Variants in ZFAT observed in about 807,000 individuals in gnomAD.
ZFAT encodes zinc finger protein ZFAT.
ZFAT carries 64 observed loss-of-function variants against 117.7 expected under a neutral mutation model. The observed-to-expected ratio is 0.54, with a 90% CI of 0.44 to 0.67. The LOEUF is 0.67. Among genes scored for constraint, ZFAT ranks in the 30% least tolerant of loss-of-function variants. The pLI is 0.00. For synonymous variants in ZFAT, 679 were observed against 615.0 expected, an observed-to-expected ratio of 1.10 and a Z score of -1.54; for missense variants, 1,433 against 1,584.5, an observed-to-expected ratio of 0.90 and a Z score of 1.62.
intron 2 of ZFAT, among the ~76,000 whole-genome samples, chr8:134,645,202 A>G (rs958564563): frequency 1.3e-5 from 2 of 152,232 alleles, no homozygotes; most frequent in African/African-American, 4.8e-5. Context: ...GAGAGACCAA[A>G]ATAATAAATC....
chr8:134,744,321 A>C, the ZFAT span, among the ~76,000 whole-genome samples: 3 of 125,910 alleles, frequency 2.4e-5, no homozygotes, highest in African/African-American at 9.4e-5. Context: ...TTTGAGATGG[A>C]GTCTTGCTCT....
chr8:134,613,707 G>T (rs1315222244), intron 3 of ZFAT, among the ~76,000 whole-genome samples: 1 of 152,168 alleles, frequency 6.6e-6, no homozygotes, highest in African/African-American at 2.4e-5. Context: ...CCCAAGCCTG[G>T]CCAATGGGCT....
At chr8:134,806,593 A>G in the ZFAT span, among the ~76,000 whole-genome samples, 1 of 152,132 alleles carries the variant, frequency 6.6e-6, no homozygotes, top group African/African-American at 2.4e-5. Flanking sequence ...CAAGTCTCCA[A>G]ATCTCCCCTT....
At chr8:134,572,978 G>T (rs1160365488) in intron 10 of ZFAT, among the ~76,000 whole-genome samples, 1 of 152,196 alleles carries the variant, frequency 6.6e-6, no homozygotes, top group Non-Finnish European at 1.5e-5. Flanking sequence ...TGAAAAGGAA[G>T]AAGCCAGACA....
At chr8:134,665,672 TGA>T (rs1279896487) in intron 1 of ZFAT, among the ~76,000 whole-genome samples, 5 of 151,918 alleles carry the variant, frequency 3.3e-5, no homozygotes, top group Non-Finnish European at 7.4e-5. Flanking sequence ...GCATTCCCTC[TGA>T]GAGTCAGCAT....
chr8:134,632,964 G>A (rs1051355499), intron 3 of ZFAT, among the ~76,000 whole-genome samples: 1 of 152,216 alleles, frequency 6.6e-6, no homozygotes, highest in African/African-American at 2.4e-5. Flanking sequence ...GACAGAGGCT[G>A]ACACAACCCA....
chr8:134,518,760 G>A (rs1820423966), intron 13 of ZFAT, among the ~76,000 whole-genome samples: 1 of 151,682 alleles, frequency 6.6e-6, no homozygotes, highest in East Asian at 1.9e-4. Context: ...TCTAGTATTT[G>A]TAAAATATTA....
chr8:134,723,338 A>G, the ZFAT span: 5 of 152,346 alleles, frequency 3.3e-5, no homozygotes, highest in African/African-American at 1.2e-4. Flanking sequence ...GGCATCCTCA[A>G]GCTGGGCAAT....
chr8:134,787,371 TCTA>T, the ZFAT span, among the ~76,000 whole-genome samples: 3 of 152,166 alleles, frequency 2.0e-5, no homozygotes, highest in African/African-American at 7.2e-5. Context: ...AAGGAAGGGG[TCTA>T]CTTTTTTCCC....
At chr8:134,683,640 A>G (rs1833174979) in intron 1 of ZFAT, among the ~76,000 whole-genome samples, 1 of 152,142 alleles carries the variant, frequency 6.6e-6, no homozygotes, top group African/African-American at 2.4e-5. Flanking sequence ...GAAAGAGGAC[A>G]GGTTAAAGGC....
At chr8:134,788,525 A>T in the ZFAT span, among the ~76,000 whole-genome samples, 1 of 152,124 alleles carries the variant, frequency 6.6e-6, no homozygotes, top group Admixed American at 6.6e-5. Context: ...TATGACTCAA[A>T]ATAGGGTAAA....
At chr8:134,602,985 T>G in intron 5 of ZFAT, 52 bp from the exon 6 acceptor site, 2 of 1,555,418 alleles carry the variant, frequency 1.3e-6, no homozygotes, top group Non-Finnish European at 1.7e-6. Context: ...ATGTTCCTCA[T>G]GAACTCTACA....
At chr8:134,659,283 C>T (rs528049343) in intron 1 of ZFAT, among the ~76,000 whole-genome samples, 4 of 152,312 alleles carry the variant, frequency 2.6e-5, no homozygotes, top group South Asian at 2.1e-4. Context: ...AGCCCGCCTG[C>T]GTCTTCAGCT....
At chr8:134,593,807 C>G (rs1160874534) in intron 7 of ZFAT, among the ~76,000 whole-genome samples, 1 of 152,226 alleles carries the variant, frequency 6.6e-6, no homozygotes, top group South Asian at 2.1e-4. Context: ...CATGGACTCA[C>G]TCATTCATTC....
intron 3 of ZFAT, among the ~76,000 whole-genome samples, chr8:134,621,951 A>G (rs1427915234): frequency 1.3e-5 from 2 of 152,234 alleles, no homozygotes; most frequent in Non-Finnish European, 2.9e-5. Context: ...TCTGCCTTTC[A>G]GCTGGATGAA....
At chr8:134,506,426 A>G (rs1432580672) in intron 15 of ZFAT, among the ~76,000 whole-genome samples, 1 of 152,222 alleles carries the variant, frequency 6.6e-6, no homozygotes, top group Admixed American at 6.5e-5. Context: ...GGAAAGTGAC[A>G]AGAAGTCGTT....
At chr8:134,779,720 A>G in the ZFAT span, among the ~76,000 whole-genome samples, 4 of 152,176 alleles carry the variant, frequency 2.6e-5, no homozygotes, top group African/African-American at 9.7e-5. Context: ...AGCCTTTAAA[A>G]CCATATTACA....
the ZFAT span, among the ~76,000 whole-genome samples, chr8:134,752,073 C>A: frequency 1.3e-5 from 2 of 152,156 alleles, no homozygotes; most frequent in Non-Finnish European, 2.9e-5. Flanking sequence ...TAGGCTAGAT[C>A]AACTCTAAGA....
chr8:134,785,357 T>A, the ZFAT span: 4 of 152,212 alleles, frequency 2.6e-5, no homozygotes, highest in African/African-American at 9.6e-5. Context: ...CATACTTAAG[T>A]TTCTAGTTTT....
Sources: gnomAD v4.1 joint callset for allele counts (sites outside exome capture counted in the v4.1 genomes callset) on GRCh38, gnomAD v4.1.1 for gene constraint, MANE v1.5 for transcripts, NCBI Gene and HGNC (gene_info 2026-07-23, HGNC 2026-07-21) for gene names.